PDXDC1: variants seen among roughly 807,000 people sequenced by gnomAD.
The protein encoded by PDXDC1 is pyridoxal dependent decarboxylase domain containing 1, also known as pyridoxal-dependent decarboxylase domain-containing protein 1.
A neutral mutation model predicts 100.1 loss-of-function variants in PDXDC1; 42 were observed. The ratio of observed to expected loss-of-function variants is 0.42; its 90% CI spans 0.33 to 0.54. PDXDC1 has a LOEUF of 0.54. PDXDC1 is among the 20% of genes least tolerant of loss of function. The probability of loss-of-function intolerance (pLI) is 0.10; values close to 1 mark genes in which losing one functional copy is unlikely to be tolerated. For synonymous variants in PDXDC1, 260 were observed against 371.7 expected (o/e 0.70, Z 3.46); for missense variants, 636 against 979.2 (o/e 0.65, Z 4.68).
chr16:15,098,999 G>A lies in PDXDC1; in HGVS notation c.1400-39880G>A, dbSNP rs573115994. 1.2e-4 allele frequency among the ~76,000 whole-genome samples: 19 copies of A among 152,314 alleles called. No individual in the cohort carries two copies. In the South Asian group the frequency reaches 3.7e-3, roughly 30 times the overall value. On this transcript the variant is annotated intron_variant, in intron 16 of 16. Coordinates refer to the PDXDC1 transcript ENST00000535621. ...GAGGGCACCAAGAAGCTTTTTGAAG[G>A]CTGTGCCAATGTACACTTCCAGCAA... is the stretch of plus-strand genomic sequence containing the variant.
rs990917622 is a variant in PDXDC1, at chr16:15,135,702, C to G, written c.1400-3177C>G. ...AAACTGAGCGGCGTCTGGTCGCCAT[C>G]CTCCAGGTTGGGGTCGTAGGACTCG... On this transcript the variant is annotated intron_variant, in intron 16 of 16. Transcript: ENST00000535621. 7.5e-6 allele frequency: 12 copies of G among 1,595,954 alleles called. No homozygotes were observed. The African/African-American group carries it at 1.5e-4, about 20-fold the overall frequency.
intron 1 of PDXDC1, among the ~76,000 whole-genome samples, chr16:14,979,293 T>C (rs1473827636): frequency 6.9e-6 from 1 of 145,368 alleles, no homozygotes; most frequent in Non-Finnish European, 1.5e-5. Flanking sequence ...AGCTGGCAAT[T>C]CGTGTTTTTT....
At chr16:15,067,933 A>AT (rs949293540) in intron 16 of PDXDC1, among the ~76,000 whole-genome samples, 4 of 151,520 alleles carry the variant, frequency 2.6e-5, no homozygotes, top group Non-Finnish European at 5.9e-5. Context: ...AATTTTTAAA[A>AT]TTTTTTTGTA....
At chr16:15,000,646 C>G (rs1353569373) in intron 3 of PDXDC1, among the ~76,000 whole-genome samples, 2 of 152,302 alleles carry the variant, frequency 1.3e-5, no homozygotes, top group Non-Finnish European at 2.9e-5. Flanking sequence ...CTTTTCGTAA[C>G]TTTCCATCTC....
chr16:14,991,236 G>GTA (rs1484746586), intron 1 of PDXDC1, among the ~76,000 whole-genome samples: 2 of 152,182 alleles, frequency 1.3e-5, no homozygotes, highest in South Asian at 2.1e-4. Context: ...TATTTTGTGT[G>GTA]TATATATATG....
At chr16:14,984,127 C>T (rs1424016723) in intron 1 of PDXDC1, among the ~76,000 whole-genome samples, 1 of 152,146 alleles carries the variant, frequency 6.6e-6, no homozygotes, top group Admixed American at 6.5e-5. Flanking sequence ...AGTGCCGCTG[C>T]ACTTGGCCTG....
At chr16:15,071,944 C>T (rs1349476615) in intron 16 of PDXDC1, among the ~76,000 whole-genome samples, 1 of 152,160 alleles carries the variant, frequency 6.6e-6, no homozygotes, top group African/African-American at 2.4e-5. Context: ...ATGGGCACTC[C>T]TGTGAGTGCA....
chr16:15,017,267 T>C, intron 10 of PDXDC1, 54 bp from the exon 11 acceptor site: 2 of 1,597,002 alleles, frequency 1.3e-6, no homozygotes, highest in Non-Finnish European at 1.7e-6. Context: ...TGGAGGAGGG[T>C]GTTAGGTTTG....
Position 15,033,411 on chromosome 16 carries a change from C to T in PDXDC1, c.1812+12C>T. 2 of 1,613,186 alleles carry T rather than the reference C, an allele frequency of 1.2e-6. No homozygotes were observed. Among genetic ancestry groups the T allele is most frequent in the Non-Finnish European group, 1.7e-6 (2 of 1,179,242 alleles). On this transcript the variant is annotated intron_variant, in intron 19 of 22. Coordinates refer to ENST00000396410, the MANE Select transcript of PDXDC1 (RefSeq NM_015027.4). Reference sequence around the variant, plus strand: ...AGGAGAACTCGAGGGTCCGTAGCACCCATCAGTGTTCATTCCTCTTCTGAG... The same window carrying T: ...AGGAGAACTCGAGGGTCCGTAGCACTCATCAGTGTTCATTCCTCTTCTGAG...
At chr16:15,132,081 C>T (rs1166842384) in intron 16 of PDXDC1, among the ~76,000 whole-genome samples, 1 of 342 alleles carries the variant, frequency 2.9e-3, no homozygotes, top group Admixed American at 0.05. Flanking sequence ...GACAAAAGGA[C>T]GGGGAGGATC....
chr16:15,029,801 A>G (rs2042920447), intron 15 of PDXDC1, 150 bp from the exon 16 acceptor site: 1 of 636,744 alleles, frequency 1.6e-6, no homozygotes, highest in South Asian at 2.2e-5. Context: ...TACTGTTTTT[A>G]AAAAGCTGCT....
chr16:15,055,374 G>A lies in PDXDC1; in HGVS notation c.1399+25318G>A, dbSNP rs986154044. 1.5e-4 allele frequency among the ~76,000 whole-genome samples: 23 copies of A among 152,186 alleles called. 1 individual carries two copies. The highest frequency in any genetic ancestry group is 5.5e-4 in the African/African-American group (23 of 41,462). ...GGCTAAAAATAACTCGGCGCCCTACGCCCCGGGGGTAGGGGAGAGAGAGGA... is the reference window on the plus strand; with the variant it reads ...GGCTAAAAATAACTCGGCGCCCTACACCCCGGGGGTAGGGGAGAGAGAGGA... On this transcript the variant is annotated intron_variant, in intron 16 of 16. Coordinates refer to the PDXDC1 transcript ENST00000535621.
intron 3 of PDXDC1, among the ~76,000 whole-genome samples, chr16:14,998,781 T>TAAAC (rs1162916038): frequency 6.6e-6 from 1 of 152,286 alleles, no homozygotes; most frequent in Admixed American, 6.5e-5. Context: ...CAGTGTCTTA[T>TAAAC]CATCATTGAT....
At chr16:15,066,243 A>T (rs2044966570) in intron 16 of PDXDC1, among the ~76,000 whole-genome samples, 1 of 152,176 alleles carries the variant, frequency 6.6e-6, no homozygotes, top group African/African-American at 2.4e-5. Context: ...AAAGTTGAAG[A>T]TCTGCATCTC....
chr16:15,101,501 T>A (rs1281591226), intron 16 of PDXDC1, among the ~76,000 whole-genome samples: 1 of 150,952 alleles, frequency 6.6e-6, no homozygotes, highest in Non-Finnish European at 1.5e-5. Context: ...AGAGATGGGG[T>A]TAGTAGAGAT....
chr16:15,064,418 G>A (rs1446488556), intron 16 of PDXDC1, among the ~76,000 whole-genome samples: 4 of 152,008 alleles, frequency 2.6e-5, no homozygotes, highest in East Asian at 1.9e-4. Flanking sequence ...CAAGTGATCC[G>A]CCCGCCTCAG....
At chr16:15,045,776 T>C (rs1183721022) in intron 16 of PDXDC1, 2 of 152,242 alleles carry the variant, frequency 1.3e-5, no homozygotes, top group African/African-American at 4.8e-5. Flanking sequence ...TAACCCCCTT[T>C]TCCACAGCCC....
chr16:15,026,990 T>G, intron 14 of PDXDC1, among the ~76,000 whole-genome samples: 1 of 152,098 alleles, frequency 6.6e-6, no homozygotes, highest in Non-Finnish European at 1.5e-5. Flanking sequence ...TGGGTCTTAC[T>G]TCCCACATAT....
chr16:15,053,682 G>A (rs1416239864), intron 16 of PDXDC1, among the ~76,000 whole-genome samples: 1 of 151,986 alleles, frequency 6.6e-6, no homozygotes, highest in African/African-American at 2.4e-5. Flanking sequence ...AGGCCGAGAC[G>A]GGCAGATCAC....
Sources: allele counts gnomAD v4.1 joint callset (sites outside exome capture counted in the v4.1 genomes callset), GRCh38; gene constraint gnomAD v4.1.1; transcripts MANE v1.5; gene names NCBI Gene and HGNC (gene_info 2026-07-23, HGNC 2026-07-21).